The following ASTN1 variants were observed in gnomAD, a reference collection of about 807,000 sequenced individuals.
The protein encoded by ASTN1 is astrotactin 1, also known as astrotactin-1.
Under a neutral mutation model 140.7 loss-of-function variants are expected in ASTN1, and 41 were observed. The observed-to-expected ratio is 0.29, with a 90% confidence interval of 0.23 to 0.38. The LOEUF (loss-of-function observed/expected upper bound fraction) is 0.38, where lower values mean the gene tolerates loss of function less well. Among genes scored for constraint, ASTN1 ranks in the 10% least tolerant of loss-of-function variants. The pLI is 1.00. For missense variants in ASTN1, 1,479 were observed against 1,678.8 expected (o/e 0.88, Z 2.08); for synonymous variants, 640 against 652.2 (o/e 0.98, Z 0.29).
chr1:177,019,322 C>A (rs954609967), intron 7 of ASTN1, among the ~76,000 whole-genome samples: 1 of 152,222 alleles, frequency 6.6e-6, no homozygotes, highest in Admixed American at 6.5e-5. Context: ...CATCACCTAT[C>A]CTTATTTTTA....
intron 8 of ASTN1, among the ~76,000 whole-genome samples, chr1:177,001,240 G>T (rs1674715747): frequency 1.3e-5 from 2 of 152,178 alleles, no homozygotes; most frequent in Admixed American, 1.3e-4. Context: ...TTACATAAGA[G>T]ACATTGTTTC....
intron 14 of ASTN1, among the ~76,000 whole-genome samples, chr1:176,942,778 G>T (rs1671774025): frequency 7.4e-6 from 1 of 134,630 alleles, no homozygotes; most frequent in Non-Finnish European, 1.6e-5. Flanking sequence ...GCTTCCAGTT[G>T]TCCCACCTTT....
chr1:176,952,858 C>T (rs1037853396), intron 11 of ASTN1, among the ~76,000 whole-genome samples: 1 of 152,140 alleles, frequency 6.6e-6, no homozygotes, highest in South Asian at 2.1e-4. Context: ...CAGGAGAGAC[C>T]CCCAAGGTCA....
intron 2 of ASTN1, 27 bp downstream of exon 2, chr1:177,061,051 G>A: frequency 6.6e-7 from 1 of 1,509,374 alleles, no homozygotes; most frequent in Non-Finnish European, 8.9e-7. Flanking sequence ...GCTATGGCCT[G>A]AGAGGCTAAG....
intron 18 of ASTN1, among the ~76,000 whole-genome samples, chr1:176,884,740 G>A (rs1484481268): frequency 6.6e-6 from 1 of 152,222 alleles, no homozygotes; most frequent in Non-Finnish European, 1.5e-5. Flanking sequence ...ATCAGTAGGT[G>A]AGTCAAAGAT....
Position 177,148,279 on chromosome 1 carries a change from G to A in ASTN1, c.283+16115C>T, listed in dbSNP as rs191714285. On this transcript the variant is annotated intron_variant, in intron 1 of 22. Coordinates refer to ENST00000361833, the MANE Select transcript of ASTN1 (RefSeq NM_004319.3). ...AAAAAATACAAAAAATTAGCCGGGC[G>A]TGGTGGCGGGCACCTGTAGTCCCAG... Among the ~76,000 whole-genome samples, 54 of 152,076 alleles carry A rather than the reference G, an allele frequency of 3.6e-4. 1 individual carries two copies. Among genetic ancestry groups the A allele is most frequent in the Non-Finnish European group, 5.7e-4 (39 of 67,974 alleles).
chr1:177,148,687 T>C (rs1469364353), intron 1 of ASTN1, among the ~76,000 whole-genome samples: 2 of 151,552 alleles, frequency 1.3e-5, no homozygotes, highest in Admixed American at 6.6e-5. Context: ...TTTTCCTTCC[T>C]ATAAAGAGAT....
At chr1:176,984,568 GC>G (rs1349053677) in intron 8 of ASTN1, among the ~76,000 whole-genome samples, 1 of 152,150 alleles carries the variant, frequency 6.6e-6, no homozygotes, top group Non-Finnish European at 1.5e-5. Flanking sequence ...CAACCTCACT[GC>G]AAACCTACTG....
At chr1:176,945,898 C>T in intron 13 of ASTN1, 28 bp downstream of exon 13, 1 of 1,561,078 alleles carries the variant, frequency 6.4e-7, no homozygotes. Flanking sequence ...CAGTCTTGAA[C>T]AATCAGTTCT....
intron 8 of ASTN1, among the ~76,000 whole-genome samples, chr1:177,001,686 T>C (rs79549850): frequency 6.6e-6 from 1 of 152,122 alleles, no homozygotes; most frequent in African/African-American, 2.4e-5. Flanking sequence ...TTAACCCTCT[T>C]AGAAGTGAGG....
chr1:176,868,769 G>A, intron 22 of ASTN1, 75 bp downstream of exon 22: 1 of 1,415,084 alleles, frequency 7.1e-7, no homozygotes, highest in Non-Finnish European at 9.5e-7. Flanking sequence ...ACAACTTCAT[G>A]GATGCAGTAT....
intron 14 of ASTN1, among the ~76,000 whole-genome samples, chr1:176,942,238 C>A (rs1268317649): frequency 1.3e-5 from 2 of 151,968 alleles, no homozygotes; most frequent in Non-Finnish European, 2.9e-5. Flanking sequence ...CATATCAATC[C>A]TATGAGGAAG....
chr1:177,051,831 G>A (rs1414474155), intron 2 of ASTN1, among the ~76,000 whole-genome samples: 1 of 152,136 alleles, frequency 6.6e-6, no homozygotes, highest in Non-Finnish European at 1.5e-5. Flanking sequence ...TTTTCCCATT[G>A]TGAATGAGAG....
intron 15 of ASTN1, among the ~76,000 whole-genome samples, chr1:176,935,042 C>A (rs1671379438): frequency 6.6e-6 from 1 of 152,184 alleles, no homozygotes; most frequent in South Asian, 2.1e-4. Context: ...ACCCTGCAGG[C>A]AAATCTTCTT....
intron 1 of ASTN1, among the ~76,000 whole-genome samples, chr1:177,122,740 G>A (rs976558992): frequency 3.9e-5 from 6 of 152,060 alleles, no homozygotes; most frequent in African/African-American, 7.2e-5. Context: ...TCAGACACAC[G>A]GCCTTCCTGC....
chr1:176,920,500 C>A (rs1031361012), intron 16 of ASTN1, among the ~76,000 whole-genome samples: 4 of 152,216 alleles, frequency 2.6e-5, no homozygotes, highest in African/African-American at 9.6e-5. Context: ...ACTTGTTTCC[C>A]CTTACAGTGC....
intron 22 of ASTN1, among the ~76,000 whole-genome samples, chr1:176,866,581 T>C (rs988173404): frequency 4.6e-5 from 7 of 152,246 alleles, no homozygotes; most frequent in African/African-American, 1.2e-4. Flanking sequence ...ACAAAGAACT[T>C]ACATCATCCT....
chr1:177,035,313 G>A (rs902181897), intron 2 of ASTN1, among the ~76,000 whole-genome samples: 2 of 152,120 alleles, frequency 1.3e-5, no homozygotes, highest in Non-Finnish European at 2.9e-5. Context: ...TCTACACCCT[G>A]GCATCTATCT....
At chr1:177,124,332 T>G (rs757412343) in intron 1 of ASTN1, among the ~76,000 whole-genome samples, 1 of 152,214 alleles carries the variant, frequency 6.6e-6, no homozygotes, top group Non-Finnish European at 1.5e-5. Flanking sequence ...CTGAGGCTGA[T>G]AGAGTTCAGT....
Sources: gnomAD v4.1 joint callset for allele counts (sites outside exome capture counted in the v4.1 genomes callset) on GRCh38, gnomAD v4.1.1 for gene constraint, MANE v1.5 for transcripts, NCBI Gene and HGNC (gene_info 2026-07-23, HGNC 2026-07-21) for gene names.